The following PRCP variants were observed in gnomAD, a reference collection of about 807,000 sequenced individuals.
The protein encoded by PRCP is lysosomal Pro-X carboxypeptidase.
A neutral mutation model predicts 54.2 loss-of-function variants in PRCP; 46 were observed. That is an observed-to-expected ratio of 0.85 (90% CI 0.67 to 1.09). The LOEUF (loss-of-function observed/expected upper bound fraction) is 1.09. PRCP is among the 50% of genes least tolerant of loss of function. The pLI, the probability that PRCP is intolerant of heterozygous loss-of-function variation, is 0.00. For missense variants in PRCP, 613 were observed against 596.8 expected (o/e 1.03, Z -0.28); for synonymous variants, 240 against 212.2 (o/e 1.13, Z -1.14).
chr11:82,884,318 G>A (rs1859817512), intron 1 of PRCP, among the ~76,000 whole-genome samples: 2 of 152,264 alleles, frequency 1.3e-5, no homozygotes, highest in South Asian at 4.1e-4. Flanking sequence ...CAGAACTTTG[G>A]GAGGCTGAGT....
intron 1 of PRCP, among the ~76,000 whole-genome samples, chr11:82,876,841 TGAAAG>T (rs1859614881): frequency 3.9e-5 from 6 of 152,128 alleles, no homozygotes; most frequent in South Asian, 4.1e-4. Flanking sequence ...GGGGCATTGC[TGAAAG>T]GATACCCGAA....
intron 2 of PRCP, among the ~76,000 whole-genome samples, chr11:82,855,062 A>G (rs1859051619): frequency 6.6e-6 from 1 of 152,136 alleles, no homozygotes. Flanking sequence ...TGAAAACTAT[A>G]AAAAGCCCAA....
intron 2 of PRCP, among the ~76,000 whole-genome samples, chr11:82,856,513 T>G (rs1319799495): frequency 6.6e-6 from 1 of 152,092 alleles, no homozygotes; most frequent in East Asian, 1.9e-4. Context: ...ACTGCATGAC[T>G]ACTAGAGGGG....
intron 6 of PRCP, among the ~76,000 whole-genome samples, chr11:82,843,668 C>G (rs1396758164): frequency 6.6e-6 from 1 of 152,176 alleles, no homozygotes; most frequent in Non-Finnish European, 1.5e-5. Context: ...TTCTTCTAAA[C>G]AATTTCTACA....
intron 6 of PRCP, among the ~76,000 whole-genome samples, chr11:82,841,377 G>A (rs1473893634): frequency 6.6e-6 from 1 of 151,990 alleles, no homozygotes; most frequent in Non-Finnish European, 1.5e-5. Context: ...ATGTTTATTG[G>A]TACTTTGTGG....
At chr11:82,866,144 A>G (rs1859329521) in intron 1 of PRCP, among the ~76,000 whole-genome samples, 1 of 152,230 alleles carries the variant, frequency 6.6e-6, no homozygotes, top group Admixed American at 6.5e-5. Flanking sequence ...ACCTTTACTC[A>G]TCCATACAAT....
chr11:82,884,808 A>G, intron 1 of PRCP: 3 of 1,611,060 alleles, frequency 1.9e-6, no homozygotes, highest in Admixed American at 1.7e-5. Context: ...GCAGAATGAA[A>G]AAAATAACAC....
At chr11:82,843,301 A>ATTCC (rs1858720792) in intron 6 of PRCP, 1 of 151,374 alleles carries the variant, frequency 6.6e-6, no homozygotes, top group Admixed American at 6.6e-5. Context: ...GTGAGACTCC[A>ATTCC]TCTCTTAAAA....
rs139509553 is a variant in PRCP, at chr11:82,851,493, C to A, written c.412-988G>T. ...CAGTTTTATCTCGTATGTGAGTAAT[C>A]CTCCATATGAGAGGCTCTCCAGCCC... On this transcript the variant is annotated intron_variant, in intron 3 of 8. Coordinates refer to ENST00000313010, the MANE Select transcript of PRCP (RefSeq NM_005040.4). Among the ~76,000 whole-genome samples, 117 of 149,102 alleles carry A rather than the reference C, an allele frequency of 7.8e-4. 2 individuals are homozygous for A. In the East Asian group the frequency reaches 0.023, roughly 29 times the overall value.
At chr11:82,900,624 T>G, upstream of PRCP, 1 of 693,384 alleles carries the variant, frequency 1.4e-6, no homozygotes, top group Non-Finnish European at 2.6e-6. Context: ...CACTTTCCTC[T>G]CGTGCCATCT....
At chr11:82,887,323 C>G (rs2121258505) in intron 1 of PRCP, among the ~76,000 whole-genome samples, 1 of 152,304 alleles carries the variant, frequency 6.6e-6, no homozygotes, top group Non-Finnish European at 1.5e-5. Flanking sequence ...TGCATGAGGC[C>G]TATGTTTGCT....
At chr11:82,900,435 G>A (rs963267503), upstream of PRCP, 33 of 1,605,960 alleles carry the variant, frequency 2.1e-5, no homozygotes, top group Admixed American at 5.1e-5. Context: ...GCGGGTGGGA[G>A]GGCGAAAAGG....
intron 1 of PRCP, among the ~76,000 whole-genome samples, chr11:82,872,415 C>T (rs750748426): frequency 6.6e-6 from 1 of 152,144 alleles, no homozygotes; most frequent in Non-Finnish European, 1.5e-5. Flanking sequence ...TGAGGGCATG[C>T]TGGAGAGGGG....
chr11:82,825,174 C>CA (rs1237015153), intron 8 of PRCP, 52 bp from the exon 9 acceptor site: 8 of 1,489,034 alleles, frequency 5.4e-6, no homozygotes, highest in Non-Finnish European at 6.4e-6. Context: ...TTCATGTTAA[C>CA]ACTCAGATAA....
At chr11:82,887,562 T>C (rs1289612574) in intron 1 of PRCP, among the ~76,000 whole-genome samples, 1 of 152,204 alleles carries the variant, frequency 6.6e-6, no homozygotes, top group Non-Finnish European at 1.5e-5. Context: ...TATCAAAGTA[T>C]TGTTCCTTGG....
chr11:82,898,041 A>C (rs1445525096), intron 1 of PRCP, among the ~76,000 whole-genome samples: 2 of 152,256 alleles, frequency 1.3e-5, no homozygotes, highest in African/African-American at 4.8e-5. Context: ...CTTAAAGTTG[A>C]GTTCACACAT....
intron 1 of PRCP, among the ~76,000 whole-genome samples, chr11:82,876,778 C>T (rs534261588): frequency 1.3e-5 from 2 of 152,146 alleles, no homozygotes; most frequent in Admixed American, 6.5e-5. Context: ...CCGGGTATGT[C>T]TTTGTCAGCT....
At chr11:82,864,305 C>T (rs1859279750) in intron 1 of PRCP, among the ~76,000 whole-genome samples, 1 of 152,252 alleles carries the variant, frequency 6.6e-6, no homozygotes, top group Admixed American at 6.5e-5. Flanking sequence ...TCCTTCCTAT[C>T]ATCAAGGATA....
chr11:82,856,755 T>A (rs911443028), intron 2 of PRCP, among the ~76,000 whole-genome samples: 111 of 150,750 alleles, frequency 7.4e-4, no homozygotes, highest in African/African-American at 2.6e-3. Context: ...ATTTCAACTT[T>A]AAAAAAAAAT....
Sources: gnomAD v4.1 joint callset for allele counts (sites outside exome capture counted in the v4.1 genomes callset) on GRCh38, gnomAD v4.1.1 for gene constraint, MANE v1.5 for transcripts, NCBI Gene and HGNC (gene_info 2026-07-23, HGNC 2026-07-21) for gene names.